Variants in BCAS3 observed in about 807,000 individuals in gnomAD.
BCAS3 encodes BCAS4/BCAS3 fusion.
A neutral mutation model predicts 116.1 loss-of-function variants in BCAS3; 53 were observed. That is an observed-to-expected ratio of 0.46 (90% CI 0.37 to 0.57). BCAS3 has a LOEUF of 0.57. BCAS3 is among the 20% of genes least tolerant of loss of function. BCAS3 has a pLI of 0.00. For synonymous variants in BCAS3, 391 were observed against 408.2 expected (o/e 0.96, Z 0.51); for missense variants, 917 against 1,165.4 (o/e 0.79, Z 3.10).
At chr17:61,177,936 G>A (rs2079240560) in intron 22 of BCAS3, among the ~76,000 whole-genome samples, 2 of 152,116 alleles carry the variant, frequency 1.3e-5, no homozygotes, top group Admixed American at 6.5e-5. Flanking sequence ...CATTGAATAT[G>A]TACATTACAT....
chr17:60,770,687 G>A lies in BCAS3; in HGVS notation c.403+23408G>A, dbSNP rs528248124. On this transcript the variant is annotated intron_variant, in intron 6 of 23. Transcript: ENST00000407086. ...CTGCTTCGGCCTCCCAAAGTGACAG[G>A]CATGAGCCACTGCACCTGGCCCCAG... Among the ~76,000 whole-genome samples the A allele has an allele frequency of 2.9e-3, 436 of 151,526 alleles. 2 individuals carry two copies. Among genetic ancestry groups the A allele is most frequent in the Non-Finnish European group, 2.5e-3 (173 of 67,858 alleles).
intron 22 of BCAS3, among the ~76,000 whole-genome samples, chr17:61,317,983 G>A (rs913472742): frequency 6.6e-6 from 1 of 152,148 alleles, no homozygotes; most frequent in African/African-American, 2.4e-5. Flanking sequence ...AAGCTGTTCT[G>A]GCAGGCGTAA....
At chr17:60,715,187 G>A (rs943502510) in intron 5 of BCAS3, among the ~76,000 whole-genome samples, 1 of 143,812 alleles carries the variant, frequency 7.0e-6, no homozygotes, top group Non-Finnish European at 1.5e-5. Context: ...AGACTGGAGT[G>A]CAGTGGCATG....
intron 5 of BCAS3, among the ~76,000 whole-genome samples, chr17:60,731,659 A>T (rs1400344306): frequency 1.3e-5 from 2 of 151,314 alleles, no homozygotes; most frequent in African/African-American, 4.9e-5. Flanking sequence ...TATTTGTGGG[A>T]TTTTAACATT....
Position 61,128,547 on chromosome 17 carries a change from G to A in BCAS3, c.2425+43983G>A, listed in dbSNP as rs1026805049. ...TTCTCTATCCCAAATCGTTTGAATC[G>A]TTTGACTGCTATACACAATCCCCAG... On this transcript the variant is annotated intron_variant, in intron 22 of 23. Coordinates refer to ENST00000407086, the MANE Select transcript of BCAS3 (RefSeq NM_017679.5). The surrounding 1 kb of genome is among the most constrained non-coding windows in gnomAD (Gnocchi z 4.1). 19 of 985,180 alleles carry A rather than the reference G, an allele frequency of 1.9e-5. No homozygotes were observed. Among genetic ancestry groups the A allele is most frequent in the East Asian group, 1.1e-4 (1 of 8,824 alleles). The allele number at this position is 985,180 out of a possible 1,614,324, so 61.0% of individuals were successfully genotyped here. A position where few individuals can be genotyped will look rare whatever the true frequency, so the allele number is the denominator to read the frequency against.
At position 61,083,597 on chromosome 17, in the gene BCAS3, CTTTT is replaced by C. The variant is rs778684833; in HGVS notation, c.2328-857_2328-854del. Among the ~76,000 whole-genome samples, 2 of 136,684 alleles carry C rather than the reference CTTTT, an allele frequency of 1.5e-5. No individual in the cohort carries two copies. Among genetic ancestry groups the C allele is most frequent in the African/African-American group, 2.7e-5 (1 of 36,628 alleles). The allele number at this position is 136,684 out of a possible 152,430, so 89.7% of individuals were successfully genotyped here. A position where few individuals can be genotyped will look rare whatever the true frequency, so the allele number is the denominator to read the frequency against. On this transcript the variant is annotated intron_variant, in intron 21 of 23. Transcript: ENST00000407086. The surrounding 1 kb of genome is among the most constrained non-coding windows in gnomAD (Gnocchi z 4.9). ...ATTTGGCATTTATATGTTTATTATT[CTTTT>C]TTTTTTTTTTTTGAGACGGAGTCTT...
chr17:61,372,593 T>C (rs575720987), intron 23 of BCAS3, among the ~76,000 whole-genome samples: 68 of 152,312 alleles, frequency 4.5e-4, no homozygotes, highest in African/African-American at 1.5e-3. Context: ...CAAAGCCCTT[T>C]GAGACCAGCC....
At chr17:60,766,404 T>A (rs2044097970) in intron 6 of BCAS3, among the ~76,000 whole-genome samples, 1 of 152,216 alleles carries the variant, frequency 6.6e-6, no homozygotes. Flanking sequence ...TTGATGTTGA[T>A]GCTATTTCTT....
In BCAS3 at chr17:60,757,394, A is replaced by ATGTGTGTG. The variant is rs61645091; in HGVS notation, c.403+10151_403+10158dup. Among the ~76,000 whole-genome samples the ATGTGTGTG allele has an allele frequency of 7.1e-3, 968 of 136,650 alleles. 3 individuals carry two copies. The highest frequency in any genetic ancestry group is 0.022 in the African/African-American group (824 of 36,720). 89.6% of individuals were successfully genotyped at this position (136,650 alleles called of 152,430 possible). On this transcript the variant is annotated intron_variant, in intron 6 of 23. Coordinates refer to ENST00000407086, the MANE Select transcript of BCAS3 (RefSeq NM_017679.5). The stretch of plus-strand genomic sequence containing the variant: ...TCTCTGCATCCTTGCCAGCATGTAT[A>ATGTGTGTG]TGTGTGTGTGTGTGTGTGTGTGTGT...
chr17:60,690,346 G>A (rs757066679), intron 4 of BCAS3, among the ~76,000 whole-genome samples: 1 of 152,070 alleles, frequency 6.6e-6, no homozygotes, highest in African/African-American at 2.4e-5. Flanking sequence ...GAGGCAGGAG[G>A]ATCGCTTGAT....
chr17:60,693,399 T>A (rs762903799), intron 4 of BCAS3, among the ~76,000 whole-genome samples: 1 of 151,884 alleles, frequency 6.6e-6, no homozygotes, highest in Admixed American at 6.6e-5. Context: ...CCATACTTCA[T>A]ACTTGGCCAG....
At position 61,224,062 on chromosome 17, in the gene BCAS3, G is replaced by A. The variant is rs972562692; in HGVS notation, c.2425+139498G>A. Among the ~76,000 whole-genome samples, 4 of 152,164 alleles carry A rather than the reference G, an allele frequency of 2.6e-5. No homozygotes were observed. Among genetic ancestry groups the A allele is most frequent in the African/African-American group, 4.8e-5 (2 of 41,444 alleles). On this transcript the variant is annotated intron_variant, in intron 22 of 23. Coordinates refer to ENST00000407086, the MANE Select transcript of BCAS3 (RefSeq NM_017679.5). This position sits in a 1 kb window ranked among gnomAD's most constrained non-coding sequence, Gnocchi z 5.7. ...ACCACCTCTAATTGAGAGTAGAAAA[G>A]CATTTGCTTTCTATCAATTTGATAG...
chr17:60,717,217 C>T (rs1180419267), intron 5 of BCAS3, among the ~76,000 whole-genome samples: 13 of 133,938 alleles, frequency 9.7e-5, no homozygotes, highest in African/African-American at 3.8e-4. Flanking sequence ...TCTTCTTCTT[C>T]TTTTTTTTTT....
chr17:60,973,584 TTA>T (rs201270871), intron 14 of BCAS3, among the ~76,000 whole-genome samples: 49 of 139,290 alleles, frequency 3.5e-4, no homozygotes, highest in African/African-American at 1.4e-3. Flanking sequence ...TACCTTATTA[TTA>T]ATATATATAT....
chr17:60,776,330 C>G (rs1007674830), intron 6 of BCAS3, among the ~76,000 whole-genome samples: 2 of 152,108 alleles, frequency 1.3e-5, no homozygotes, highest in African/African-American at 4.8e-5. Flanking sequence ...TTTGAAAATG[C>G]CAGTATAATA....
rs570078567 is a variant in BCAS3, at chr17:61,100,821, C to T, written c.2425+16257C>T. On this transcript the variant is annotated intron_variant, in intron 22 of 23. Transcript: ENST00000407086. ...CCTTTACAACACGGCCCTGCATTAT[C>T]CATGCAAACATAAATTAAACTCTGT... Among the ~76,000 whole-genome samples, 17 of 152,208 alleles carry T rather than the reference C, an allele frequency of 1.1e-4. 1 individual carries two copies. The East Asian group carries it at 2.1e-3, about 19-fold the overall frequency.
chr17:61,094,854 A>T (rs899579182), intron 22 of BCAS3, among the ~76,000 whole-genome samples: 4 of 151,798 alleles, frequency 2.6e-5, no homozygotes, highest in African/African-American at 7.3e-5. Flanking sequence ...TAAAAAAAAA[A>T]TTTCTCATTA....
chr17:61,160,052 T>C (rs1271891866), intron 22 of BCAS3, among the ~76,000 whole-genome samples: 15 of 151,702 alleles, frequency 9.9e-5, no homozygotes, highest in Non-Finnish European at 1.9e-4. Flanking sequence ...TAAAAATATA[T>C]ATTGAAAATA....
chr17:60,972,140 G>A (rs1480442748), intron 14 of BCAS3, among the ~76,000 whole-genome samples: 1 of 152,170 alleles, frequency 6.6e-6, no homozygotes, highest in Non-Finnish European at 1.5e-5. Flanking sequence ...GTACATGTTC[G>A]ATGATATCCT....
Sources: gnomAD v4.1 joint callset for allele counts (sites outside exome capture counted in the v4.1 genomes callset) on GRCh38, gnomAD v4.1.1 for gene constraint, Gnocchi (gnomAD v3.1) non-coding constraint, MANE v1.5 for transcripts, NCBI Gene and HGNC (gene_info 2026-07-23, HGNC 2026-07-21) for gene names.